Variants in ZFP30 observed in about 807,000 individuals in gnomAD.
The protein encoded by ZFP30 is zinc finger protein 30 homolog.
A neutral mutation model predicts 12.3 loss-of-function variants in ZFP30; 16 were observed. The observed-to-expected ratio is 1.30, with a 90% confidence interval of 0.88 to 1.98. ZFP30 has a LOEUF of 1.98. ZFP30 is among the 30% of genes most tolerant of loss of function. The pLI is 0.00. For synonymous variants in ZFP30, 172 were observed against 201.0 expected (o/e 0.86, Z 1.22); for missense variants, 560 against 611.2 (o/e 0.92, Z 0.88).
At position 37,631,193 on chromosome 19, in the gene ZFP30, C is replaced by G. The variant is rs4802069; in HGVS notation, c.*3788G>C. 117,768 of 152,068 alleles carry G rather than the reference C, an allele frequency of 0.77. 45,724 individuals are homozygous for G. The highest frequency in any genetic ancestry group is 0.87 in the South Asian group (4,213 of 4,822). 9.4% of individuals were successfully genotyped at this position (152,068 alleles called of 1,614,324 possible). A position where few individuals can be genotyped will look rare whatever the true frequency, so the allele number is the denominator to read the frequency against. ...GCTGTCACCTGTTTTGGTTACAGCACTTATCTGTTAAAATGGGTTCATATC... is the reference window on the plus strand; with the variant it reads ...GCTGTCACCTGTTTTGGTTACAGCAGTTATCTGTTAAAATGGGTTCATATC... On this transcript the variant is annotated 3_prime_UTR_variant, in exon 6 of 6. Transcript: ENST00000684514.
rs2044266895 is a variant in ZFP30 at position 37,633,448 on chromosome 19, G to A, written c.*1533C>T. 1 of 152,032 alleles carries A rather than the reference G, an allele frequency of 6.6e-6. No homozygotes were observed. Among genetic ancestry groups the A allele is most frequent in the Admixed American group, 6.6e-5 (1 of 15,250 alleles). 9.4% of individuals were successfully genotyped at this position (152,032 alleles called of 1,614,324 possible). ...GGCTCACTGCAACCTCTGCCTCCTG[G>A]GTTCAAGTGATTCTCCTGTCTCAGC... On this transcript the variant is annotated 3_prime_UTR_variant, in exon 6 of 6. Coordinates refer to ENST00000684514, the MANE Select transcript of ZFP30 (RefSeq NM_001320669.3).
intron 5 of ZFP30, among the ~76,000 whole-genome samples, chr19:37,636,792 C>T (rs1043166493): frequency 1.3e-5 from 2 of 151,098 alleles, no homozygotes; most frequent in African/African-American, 4.9e-5. Context: ...CTCACTGTAA[C>T]CTCTGCCTCC....
At position 37,635,346 on chromosome 19, in the gene ZFP30, A is replaced by C. The variant is rs2044299861; in HGVS notation, c.1195T>G (p.Ser399Ala). 1.2e-6 allele frequency: 2 copies of C among 1,613,138 alleles called. No individual in the cohort carries two copies. The highest frequency in any genetic ancestry group is 1.7e-5 in the Admixed American group (1 of 59,940). The change falls in exon 6 of 6, where the codon TCA (serine) becomes GCA (alanine). Residue 399 changes from serine (S) to alanine (A), a missense_variant. By Grantham distance (99) the Ser-to-Ala change is moderately conservative. Transcript: ENST00000684514. ...KFFRRYSELISHQGIHIGEKP... is the reference protein window; with the variant it reads ...KFFRRYSELIAHQGIHIGEKP... ...TCTCCAATGTGAATACCCTGATGTG[A>C]AATAAGTTCTGAGTAACGACGAAAG...
chr19:37,651,843 C>T (rs960742833), intron 2 of ZFP30, among the ~76,000 whole-genome samples: 1 of 151,806 alleles, frequency 6.6e-6, no homozygotes, highest in African/African-American at 2.4e-5. Context: ...TACAAAACAT[C>T]CATAAAATGG....
upstream of ZFP30, chr19:37,656,213 G>A (rs2044752525): frequency 6.6e-6 from 1 of 152,500 alleles, no homozygotes; most frequent in African/African-American, 2.4e-5. Context: ...GATTAGGATG[G>A]TGCCGCAGAG....
rs75050991 is a variant in ZFP30, at chr19:37,640,563, T to A, written c.235+2702A>T. ...TAGATCAAAATGAAAGAAGTGTTAT[T>A]TCCATTTACAGGGCATCAGCTTTAA... On this transcript the variant is annotated intron_variant, in intron 5 of 5. Coordinates refer to ENST00000684514, the MANE Select transcript of ZFP30 (RefSeq NM_001320669.3). Among the ~76,000 whole-genome samples the A allele has an allele frequency of 3.3e-4, 50 of 151,436 alleles. No individual in the cohort carries two copies. In the East Asian group the frequency reaches 7.3e-3, roughly 22 times the overall value.
In ZFP30 at chr19:37,632,109, A is replaced by C. The variant is rs889207826; in HGVS notation, c.*2872T>G. The C allele has an allele frequency of 7.3e-4, 109 of 150,244 alleles. No homozygotes were observed. The highest frequency in any genetic ancestry group is 2.6e-3 in the African/African-American group (105 of 41,010). 9.3% of individuals were successfully genotyped at this position (150,244 alleles called of 1,614,324 possible). On this transcript the variant is annotated 3_prime_UTR_variant, in exon 6 of 6. Coordinates refer to ENST00000684514, the MANE Select transcript of ZFP30 (RefSeq NM_001320669.3). ...AGGAGAGTAGGATTTTTTTTTTTTA[A>C]AGTTAGATTCTAAATGTATTCTTTT...
intron 5 of ZFP30, among the ~76,000 whole-genome samples, chr19:37,642,292 G>C (rs1008455918): frequency 1.3e-5 from 2 of 152,038 alleles, no homozygotes; most frequent in African/African-American, 2.4e-5. Context: ...TTAAATGTTA[G>C]TTTTCTAGTA....
Position 37,647,107 on chromosome 19 carries a change from C to T in ZFP30, c.9+707G>A, listed in dbSNP as rs1014883881. Among the ~76,000 whole-genome samples the T allele has an allele frequency of 5.9e-5, 9 of 152,224 alleles. No homozygotes were observed. In the South Asian group the frequency reaches 1.7e-3, roughly 28 times the overall value. On this transcript the variant is annotated intron_variant, in intron 3 of 5. Transcript: ENST00000684514. ...AGAAAATTTTAAATTATATTTGTAGCTTGAATTACAATTATTTTGGACAGT... is the reference window on the plus strand; with the variant it reads ...AGAAAATTTTAAATTATATTTGTAGTTTGAATTACAATTATTTTGGACAGT...
intron 2 of ZFP30, among the ~76,000 whole-genome samples, chr19:37,648,317 T>A (rs1224229233): frequency 6.6e-6 from 1 of 152,198 alleles, no homozygotes; most frequent in Non-Finnish European, 1.5e-5. Context: ...GCCTTAGGAA[T>A]CTGGCTGGCC....
intron 4 of ZFP30, 162 bp downstream of exon 4, chr19:37,644,448 C>T (rs939412272): frequency 4.1e-5 from 24 of 588,998 alleles, no homozygotes; most frequent in Middle Eastern, 2.9e-4. Context: ...GCAGTAGAAT[C>T]GCTTGAACCC....
chr19:37,645,296 G>A (rs1370790462), intron 3 of ZFP30, among the ~76,000 whole-genome samples: 1 of 152,224 alleles, frequency 6.6e-6, no homozygotes, highest in Non-Finnish European at 1.5e-5. Flanking sequence ...GACTAGGGCT[G>A]GAAGCCTGTG....
In ZFP30 at chr19:37,634,098, A is replaced by G. The variant is rs1239962709; in HGVS notation, c.*883T>C. On this transcript the variant is annotated 3_prime_UTR_variant, in exon 6 of 6. Coordinates refer to ENST00000684514, the MANE Select transcript of ZFP30 (RefSeq NM_001320669.3). The stretch of plus-strand genomic sequence containing the variant: ...TTTGACTGATGTCTCAAGTCTGTCA[A>G]TACCTAGGAGTTCCACCTTATTTCT... 1 of 152,234 alleles carries G rather than the reference A, an allele frequency of 6.6e-6. No homozygotes were observed. Among genetic ancestry groups the G allele is most frequent in the Non-Finnish European group, 1.5e-5 (1 of 68,042 alleles). 9.4% of individuals were successfully genotyped at this position (152,234 alleles called of 1,614,324 possible). A position where few individuals can be genotyped will look rare whatever the true frequency, so the allele number is the denominator to read the frequency against.
At chr19:37,651,259 T>C (rs1248814253) in intron 2 of ZFP30, among the ~76,000 whole-genome samples, 1 of 152,114 alleles carries the variant, frequency 6.6e-6, no homozygotes, top group Non-Finnish European at 1.5e-5. Context: ...ATCATGTAAT[T>C]GAAGGATGAA....
At chr19:37,650,491 C>T (rs1487234265) in intron 2 of ZFP30, among the ~76,000 whole-genome samples, 2 of 152,176 alleles carry the variant, frequency 1.3e-5, no homozygotes, top group Non-Finnish European at 2.9e-5. Context: ...AAAGCTCCAA[C>T]AGTTCCATCC....
chr19:37,640,991 T>C (rs1243344159), intron 5 of ZFP30, among the ~76,000 whole-genome samples: 3 of 152,202 alleles, frequency 2.0e-5, no homozygotes, highest in Non-Finnish European at 2.9e-5. Context: ...ACTGATCTAA[T>C]ACTGCATAAT....
intron 5 of ZFP30, among the ~76,000 whole-genome samples, chr19:37,638,951 A>G (rs2044382235): frequency 6.6e-6 from 1 of 152,172 alleles, no homozygotes; most frequent in Non-Finnish European, 1.5e-5. Context: ...ATATTTTTGT[A>G]TATATTTATA....
rs17305774 is a variant in ZFP30, at chr19:37,644,063, G to T, written c.136+547C>A. On this transcript the variant is annotated intron_variant, in intron 4 of 5. Transcript: ENST00000684514. ...GACCATCCATAGCAGTATGAAATCA[G>T]ATTGTTTTGACAATGGTTTTGCCAT... Among the ~76,000 whole-genome samples, 552 of 152,280 alleles carry T rather than the reference G, an allele frequency of 3.6e-3. 1 individual carries two copies. Among genetic ancestry groups the T allele is most frequent in the Middle Eastern group, 0.01 (3 of 294 alleles).
intron 5 of ZFP30, among the ~76,000 whole-genome samples, chr19:37,642,812 T>C (rs944016701): frequency 4.0e-4 from 60 of 151,772 alleles, no homozygotes; most frequent in Non-Finnish European, 2.4e-4. Flanking sequence ...TCCCAGCACT[T>C]TGGGAGGCCG....
Sources: allele counts gnomAD v4.1 joint callset (sites outside exome capture counted in the v4.1 genomes callset), GRCh38; gene constraint gnomAD v4.1.1; transcripts MANE v1.5; gene names NCBI Gene and HGNC (gene_info 2026-07-23, HGNC 2026-07-21).